The following ESRRG variants were observed in gnomAD, a reference collection of about 807,000 sequenced individuals.
ESRRG encodes the protein estrogen-related receptor gamma.
Under a neutral mutation model 44.0 loss-of-function variants are expected in ESRRG, and 13 were observed. The ratio of observed to expected loss-of-function variants is 0.30; its 90% CI spans 0.19 to 0.47. ESRRG has a LOEUF of 0.47. Ranked by LOEUF, ESRRG falls within the 20% of genes least tolerant of loss-of-function variation. ESRRG has a pLI of 1.00. For synonymous variants in ESRRG, 215 were observed against 214.6 expected (o/e 1.00, Z -0.02); for missense variants, 395 against 580.6 (o/e 0.68, Z 3.29).
intron 1 of ESRRG, 36 bp downstream of exon 1, chr1:216,723,208 C>A: frequency 1.9e-6 from 3 of 1,572,278 alleles, no homozygotes; most frequent in Non-Finnish European, 1.7e-6. Flanking sequence ...CGCACCCCCA[C>A]GACGAGTTTA....
intron 2 of ESRRG, among the ~76,000 whole-genome samples, chr1:216,887,339 C>G (rs1207646348): frequency 6.6e-6 from 1 of 152,096 alleles, no homozygotes; most frequent in Non-Finnish European, 1.5e-5. Flanking sequence ...AGGAAAATAG[C>G]TTTTTAATTT....
At chr1:216,958,683 C>T (rs186003868) in intron 1 of ESRRG, among the ~76,000 whole-genome samples, 49 of 152,278 alleles carry the variant, frequency 3.2e-4, no homozygotes, top group African/African-American at 9.4e-4. Flanking sequence ...TCAGATCACT[C>T]ACTAAGAGCC....
chr1:216,754,666 T>C (rs2152312519), intron 2 of ESRRG, among the ~76,000 whole-genome samples: 1 of 151,628 alleles, frequency 6.6e-6, no homozygotes, highest in South Asian at 2.1e-4. Flanking sequence ...TATTCCTTAG[T>C]ATCTAAGTCA....
chr1:216,845,445 G>A (rs1327516360), intron 2 of ESRRG, among the ~76,000 whole-genome samples: 5 of 152,138 alleles, frequency 3.3e-5, no homozygotes, highest in Admixed American at 1.3e-4. Context: ...GCTGGTCATG[G>A]TAGTTATCAT....
chr1:217,020,384 T>A (rs2080102166), intron 1 of ESRRG, among the ~76,000 whole-genome samples: 1 of 152,178 alleles, frequency 6.6e-6, no homozygotes. Context: ...TGCTTAACTG[T>A]AGGGATTATC....
chr1:216,957,492 A>G (rs909222942), intron 1 of ESRRG, among the ~76,000 whole-genome samples: 2 of 152,142 alleles, frequency 1.3e-5, no homozygotes, highest in Non-Finnish European at 2.9e-5. Context: ...TCCTTCCCCA[A>G]TATTTTACGT....
chr1:216,848,797 A>G (rs969528553), intron 2 of ESRRG, among the ~76,000 whole-genome samples: 3 of 152,064 alleles, frequency 2.0e-5, no homozygotes, highest in African/African-American at 7.2e-5. Context: ...TTTAAAGAAC[A>G]GTACATGCAC....
At chr1:217,050,350 ACT>A (rs2085696789) in intron 1 of ESRRG, among the ~76,000 whole-genome samples, 1 of 152,118 alleles carries the variant, frequency 6.6e-6, no homozygotes, top group South Asian at 2.1e-4. Flanking sequence ...CTCCAGAAAA[ACT>A]ACATTATTTT....
intron 1 of ESRRG, among the ~76,000 whole-genome samples, chr1:216,710,842 T>C (rs2083442401): frequency 6.6e-6 from 1 of 152,152 alleles, no homozygotes. Context: ...TTTTTGATCT[T>C]AGTACCAGCG....
At chr1:216,703,872 A>C (rs546325904) in intron 1 of ESRRG, among the ~76,000 whole-genome samples, 18 of 152,104 alleles carry the variant, frequency 1.2e-4, no homozygotes, top group Non-Finnish European at 2.1e-4. Context: ...CGGCCCTTAA[A>C]TTTTACAGAG....
chr1:216,715,120 C>G (rs2084554895), intron 1 of ESRRG: 5 of 985,374 alleles, frequency 5.1e-6, no homozygotes, highest in Non-Finnish European at 6.0e-6. Flanking sequence ...ACAGAATGAG[C>G]CTTCCTTTAG....
intron 2 of ESRRG, among the ~76,000 whole-genome samples, chr1:216,658,924 A>T (rs1475316246): frequency 7.1e-4 from 104 of 146,344 alleles, no homozygotes; most frequent in African/African-American, 2.7e-3. Context: ...AGAAATAAAG[A>T]AAAGAAAAGA....
At chr1:216,823,877 C>A (rs1238652679) in intron 2 of ESRRG, among the ~76,000 whole-genome samples, 1 of 152,150 alleles carries the variant, frequency 6.6e-6, no homozygotes, top group Non-Finnish European at 1.5e-5. Flanking sequence ...TATTCACATC[C>A]TTAGCTACTG....
At chr1:217,001,416 C>T (rs2077021038) in intron 1 of ESRRG, among the ~76,000 whole-genome samples, 1 of 152,198 alleles carries the variant, frequency 6.6e-6, no homozygotes, top group Non-Finnish European at 1.5e-5. Flanking sequence ...GCAGCTTTTC[C>T]CTACTCTTCC....
intron 3 of ESRRG, among the ~76,000 whole-genome samples, chr1:216,629,347 TC>T (rs2063723024): frequency 6.6e-6 from 1 of 152,338 alleles, no homozygotes; most frequent in Non-Finnish European, 1.5e-5. Flanking sequence ...GATTTTTTTT[TC>T]TTAAGCATAA....
Position 216,916,197 on chromosome 1 carries a change from C to T in ESRRG, c.-14+23385G>A, listed in dbSNP as rs562288057. Among the ~76,000 whole-genome samples the T allele has an allele frequency of 2.0e-5, 3 of 152,296 alleles. No homozygotes were observed. In the South Asian group the frequency reaches 6.2e-4, roughly 32 times the overall value. ...ATAAAAAAGATGACATCACTTCAAA[C>T]GTGGACTTGCCAGAAAATTATCATT... On this transcript the variant is annotated intron_variant, in intron 2 of 7. Coordinates refer to the ESRRG transcript ENST00000359162.
At chr1:217,040,222 G>A (rs535301827) in intron 1 of ESRRG, among the ~76,000 whole-genome samples, 49 of 152,024 alleles carry the variant, frequency 3.2e-4, no homozygotes, top group Admixed American at 2.9e-3. Context: ...TTATTTAGAC[G>A]GTAAGAAAAT....
intron 1 of ESRRG, among the ~76,000 whole-genome samples, chr1:217,004,152 G>A (rs2077421043): frequency 1.3e-5 from 2 of 152,132 alleles, no homozygotes; most frequent in African/African-American, 4.8e-5. Context: ...AGACGATGAA[G>A]TATATTTTCC....
chr1:217,097,953 G>A (rs1022669127), intron 1 of ESRRG, among the ~76,000 whole-genome samples: 10 of 151,848 alleles, frequency 6.6e-5, no homozygotes, highest in Non-Finnish European at 1.3e-4. Flanking sequence ...TAATGCCCCA[G>A]TCACACCCCA....
Sources: gnomAD v4.1 joint callset for allele counts (sites outside exome capture counted in the v4.1 genomes callset) on GRCh38, gnomAD v4.1.1 for gene constraint, MANE v1.5 for transcripts, NCBI Gene and HGNC (gene_info 2026-07-23, HGNC 2026-07-21) for gene names.